Variants in ASIC1 observed in about 807,000 individuals in gnomAD.
ASIC1 encodes acid-sensing ion channel 1.
Under a neutral mutation model 63.4 loss-of-function variants are expected in ASIC1, and 21 were observed. The observed-to-expected ratio is 0.33, with a 90% CI of 0.23 to 0.48. The LOEUF (loss-of-function observed/expected upper bound fraction) is 0.48. Ranked by LOEUF, ASIC1 falls within the 20% of genes least tolerant of loss-of-function variation. The probability of loss-of-function intolerance (pLI) is 0.99; values close to 1 mark genes in which losing one functional copy is unlikely to be tolerated. For missense variants in ASIC1, 478 were observed against 695.5 expected (o/e 0.69, Z 3.52); for synonymous variants, 258 against 278.2 (o/e 0.93, Z 0.72).
At chr12:50,062,159 G>A (rs555108051) in intron 3 of ASIC1, among the ~76,000 whole-genome samples, 20 of 152,264 alleles carry the variant, frequency 1.3e-4, no homozygotes, top group South Asian at 4.1e-4. Flanking sequence ...ACAGATGGGC[G>A]TCTGGCTGGA....
chr12:50,067,834 A>G (rs1365066464), intron 3 of ASIC1, among the ~76,000 whole-genome samples: 1 of 152,070 alleles, frequency 6.6e-6, no homozygotes, highest in East Asian at 1.9e-4. Context: ...CTACTTGGCC[A>G]TTTAGTGTCA....
At chr12:50,068,866 C>T (rs1219424059) in intron 3 of ASIC1, among the ~76,000 whole-genome samples, 2 of 152,150 alleles carry the variant, frequency 1.3e-5, no homozygotes, top group African/African-American at 4.8e-5. Context: ...CCCACCACTG[C>T]ATGTCTCTTT....
chr12:50,067,833 C>T (rs1950561066), intron 3 of ASIC1, among the ~76,000 whole-genome samples: 1 of 152,114 alleles, frequency 6.6e-6, no homozygotes, highest in African/African-American at 2.4e-5. Flanking sequence ...TCTACTTGGC[C>T]ATTTAGTGTC....
intron 3 of ASIC1, among the ~76,000 whole-genome samples, chr12:50,070,246 C>G (rs952943135): frequency 6.6e-6 from 1 of 152,104 alleles, no homozygotes; most frequent in African/African-American, 2.4e-5. Context: ...TTGACACTTT[C>G]CTCATCCCCC....
Position 50,083,590 on chromosome 12 carries a change from C to T in ASIC1, c.*1941C>T, listed in dbSNP as rs1289600346. ...GCTCTGGGTGACGCATGCCTCTGGT[C>T]TAATAAACTGGGTTTCAACCATCTC... is the stretch of plus-strand genomic sequence containing the variant. On this transcript the variant is annotated 3_prime_UTR_variant, in exon 12 of 12. Coordinates refer to ENST00000447966, the MANE Select transcript of ASIC1 (RefSeq NM_001095.4). The T allele has an allele frequency of 1.3e-5, 2 of 152,816 alleles. No individual in the cohort carries two copies. The highest frequency in any genetic ancestry group is 3.9e-4 in the East Asian group (2 of 5,188). The allele number at this position is 152,816 out of a possible 1,614,324, so 9.5% of individuals were successfully genotyped here. A position where few individuals can be genotyped will look rare whatever the true frequency, so the allele number is the denominator to read the frequency against.
rs564592210 is a variant in ASIC1 at position 50,077,852 on chromosome 12, A to T, written c.710-148A>T. ...GAGCTGGTAAACCCAGAAGGAGGCT[A>T]GGGGGTGGGCTAGGACCCTATAGAC... On this transcript the variant is annotated intron_variant, in intron 4 of 11. Transcript: ENST00000447966. 1.6e-4 allele frequency: 187 copies of T among 1,152,992 alleles called. No individual in the cohort carries two copies. The African/African-American group carries it at 2.4e-3, about 15-fold the overall frequency. The allele number at this position is 1,152,992 out of a possible 1,614,324, so 71.4% of individuals were successfully genotyped here.
In ASIC1 at chr12:50,082,776, G is replaced by A. The variant is rs1004631667; in HGVS notation, c.*1127G>A. 1.3e-5 allele frequency: 2 copies of A among 152,580 alleles called. No homozygotes were observed. Among genetic ancestry groups the A allele is most frequent in the Admixed American group, 1.3e-4 (2 of 15,274 alleles). The allele number at this position is 152,580 out of a possible 1,614,324, so 9.5% of individuals were successfully genotyped here. On this transcript the variant is annotated 3_prime_UTR_variant, in exon 12 of 12. Coordinates refer to ENST00000447966, the MANE Select transcript of ASIC1 (RefSeq NM_001095.4). ...CACACATCCCTCTGAGAAGCACAAG[G>A]AGACGACACGCGCATTGTAACCTTT...
At chr12:50,071,420 G>C (rs10082763) in intron 3 of ASIC1, among the ~76,000 whole-genome samples, 5,962 of 150,564 alleles carry the variant, frequency 0.04, 405 homozygotes, top group African/African-American at 0.14. Flanking sequence ...GCGCCTGCCA[G>C]CACACCTGGC....
At position 50,082,638 on chromosome 12, in the gene ASIC1, A is replaced by T. The variant is rs1042664753; in HGVS notation, c.*989A>T. 6.6e-6 allele frequency: 1 copy of T among 152,630 alleles called. No individual in the cohort carries two copies. The highest frequency in any genetic ancestry group is 1.5e-5 in the Non-Finnish European group (1 of 68,080). The allele number at this position is 152,630 out of a possible 1,614,324, so 9.5% of individuals were successfully genotyped here. ...ACCCCATCCCCTCTTGTCTCTGAGAACCATTCTCCCACCCCAAGTTCCACC... is the reference window on the plus strand; with the variant it reads ...ACCCCATCCCCTCTTGTCTCTGAGATCCATTCTCCCACCCCAAGTTCCACC... On this transcript the variant is annotated 3_prime_UTR_variant, in exon 12 of 12. Transcript: ENST00000447966.
In ASIC1 at chr12:50,074,959, T is replaced by C. The variant is rs1287231520; in HGVS notation, c.559-2254T>C. ...TCATATCCCTCTCCCCAGCTTTAAGTGGCCAGGGACCCTCTTCCTAGGGGA... is the reference window on the plus strand; with the variant it reads ...TCATATCCCTCTCCCCAGCTTTAAGCGGCCAGGGACCCTCTTCCTAGGGGA... On this transcript the variant is annotated intron_variant, in intron 3 of 11. Coordinates refer to ENST00000447966, the MANE Select transcript of ASIC1 (RefSeq NM_001095.4). This position sits in a 1 kb window ranked among gnomAD's most constrained non-coding sequence, Gnocchi z 4.2. Among the ~76,000 whole-genome samples the C allele has an allele frequency of 6.6e-6, 1 of 151,612 alleles. No homozygotes were observed. Among genetic ancestry groups the C allele is most frequent in the Non-Finnish European group, 1.5e-5 (1 of 67,940 alleles).
intron 7 of ASIC1, 106 bp downstream of exon 7, chr12:50,079,086 A>T: frequency 9.2e-7 from 1 of 1,087,510 alleles, no homozygotes; most frequent in Non-Finnish European, 1.4e-6. Flanking sequence ...TAACTCCTGG[A>T]CTGGGCTGCA....
intron 1 of ASIC1, among the ~76,000 whole-genome samples, chr12:50,058,278 T>C (rs1056552732): frequency 2.0e-5 from 3 of 152,186 alleles, no homozygotes; most frequent in African/African-American, 7.2e-5. Context: ...GGGGGTTTTC[T>C]GGCCCCAGTT....
intron 8 of ASIC1, 73 bp downstream of exon 8, chr12:50,080,128 G>A: frequency 6.5e-7 from 1 of 1,531,996 alleles, no homozygotes. Context: ...GTTTGATGGG[G>A]GCGGGGGCTG....
intron 3 of ASIC1, among the ~76,000 whole-genome samples, chr12:50,067,030 T>C (rs1950551508): frequency 6.6e-6 from 1 of 152,226 alleles, no homozygotes; most frequent in Admixed American, 6.5e-5. Flanking sequence ...AAGATGCTCT[T>C]GTCTTAAAAT....
At position 50,059,675 on chromosome 12, in the gene ASIC1, C is replaced by T. The variant is rs1302832161; in HGVS notation, c.363-84C>T. ...CTACACCTGGGACTGATCCCCAGGG[C>T]TGGAGGCTGCCCCCATCACCCAAGT... On this transcript the variant is annotated intron_variant, in intron 2 of 11. Transcript: ENST00000447966. This position sits in a 1 kb window ranked among gnomAD's most constrained non-coding sequence, Gnocchi z 4.6. 4 of 1,415,108 alleles carry T rather than the reference C, an allele frequency of 2.8e-6. No homozygotes were observed. Among genetic ancestry groups the T allele is most frequent in the Non-Finnish European group, 2.9e-6 (3 of 1,034,618 alleles). The allele number at this position is 1,415,108 out of a possible 1,614,324, so 87.7% of individuals were successfully genotyped here.
In ASIC1 at chr12:50,081,285, G is replaced by A. The variant is rs770761778; in HGVS notation, c.1403G>A (p.Arg468Gln). ...GTCATTAAGCACAAGCTGTGCCGACGAGGAAAATGCCAGAAGGAGGCCAAA... is the reference window on the plus strand; with the variant it reads ...GTCATTAAGCACAAGCTGTGCCGACAAGGAAAATGCCAGAAGGAGGCCAAA... Reference protein sequence around the residue: ...YEVIKHKLCRRGKCQKEAKRS... With the variant: ...YEVIKHKLCRQGKCQKEAKRS... Residue 468 changes from arginine to glutamine, a missense_variant, in exon 11 of 12, where the codon CGA (arginine) becomes CAA (glutamine). Arg to Gln is a conservative substitution (Grantham distance 43). This residue lies in a region of ASIC1 where 104 missense variants were observed against 97.0 expected (regional missense o/e 1.07). Coordinates refer to ENST00000447966, the MANE Select transcript of ASIC1 (RefSeq NM_001095.4). 32 of 1,610,060 alleles carry A rather than the reference G, an allele frequency of 2.0e-5. No homozygotes were observed. Among genetic ancestry groups the A allele is most frequent in the Non-Finnish European group, 2.5e-5 (30 of 1,178,320 alleles).
rs750443150 is a variant in ASIC1, at chr12:50,078,726, C to G, written c.994+149C>G. On this transcript the variant is annotated intron_variant, in intron 6 of 11. Coordinates refer to ENST00000447966, the MANE Select transcript of ASIC1 (RefSeq NM_001095.4). The surrounding 1 kb of genome is among the most constrained non-coding windows in gnomAD (Gnocchi z 6.0). The stretch of plus-strand genomic sequence containing the variant: ...CTCATGTCTCTCTGACCTCAGTTCC[C>G]GCCTGCACCCCCAGGGATGGGTGGG... The G allele has an allele frequency of 2.9e-6, 4 of 1,377,316 alleles. No homozygotes were observed. In the African/African-American group the frequency reaches 5.7e-5, roughly 20 times the overall value. The allele number at this position is 1,377,316 out of a possible 1,614,324, so 85.3% of individuals were successfully genotyped here. A position where few individuals can be genotyped will look rare whatever the true frequency, so the allele number is the denominator to read the frequency against.
chr12:50,074,261 G>A lies in ASIC1; in HGVS notation c.559-2952G>A, dbSNP rs769659435. The A allele has an allele frequency of 2.5e-5, 37 of 1,455,100 alleles. No individual in the cohort carries two copies. In the South Asian group the frequency reaches 3.3e-4, roughly 13 times the overall value. 90.1% of individuals were successfully genotyped at this position (1,455,100 alleles called of 1,614,324 possible). Reference sequence around the variant, plus strand: ...TTCTCAGTGGTGAGTGGAGCCCCATGCCTGCCACAGTACCCCAAGAGTGTC... The same window carrying A: ...TTCTCAGTGGTGAGTGGAGCCCCATACCTGCCACAGTACCCCAAGAGTGTC... On this transcript the variant is annotated intron_variant, in intron 3 of 11. Transcript: ENST00000447966. The surrounding 1 kb of genome is among the most constrained non-coding windows in gnomAD (Gnocchi z 4.2).
chr12:50,080,713 A>G (rs767046391), intron 9 of ASIC1, 124 bp downstream of exon 9: 3 of 1,613,308 alleles, frequency 1.9e-6, no homozygotes, highest in Non-Finnish European at 2.5e-6. Flanking sequence ...CCCTTCCCCA[A>G]ACCCTGTTGT....
Sources: allele counts gnomAD v4.1 joint callset (sites outside exome capture counted in the v4.1 genomes callset), GRCh38; gene constraint gnomAD v4.1.1; regional missense constraint gnomAD v4.1.1; non-coding constraint Gnocchi (gnomAD v3.1); transcripts MANE v1.5; gene names NCBI Gene and HGNC (gene_info 2026-07-23, HGNC 2026-07-21).